Variants in FARP1 observed in about 807,000 individuals in gnomAD.
FARP1 encodes the protein FERM, ARHGEF and pleckstrin domain-containing protein 1.
Under a neutral mutation model 128.8 loss-of-function variants are expected in FARP1, and 52 were observed. That is an observed-to-expected ratio of 0.40 (90% CI 0.32 to 0.51). FARP1 has a LOEUF of 0.51. FARP1 is among the 20% of genes least tolerant of loss of function. The pLI, the probability that FARP1 is intolerant of heterozygous loss-of-function variation, is 0.45. For synonymous variants in FARP1, 580 were observed against 551.8 expected (o/e 1.05, Z -0.72); for missense variants, 1,333 against 1,367.9 (o/e 0.97, Z 0.40).
rs200285750 is a variant in FARP1 at position 98,431,230 on chromosome 13, G to A, written c.2093G>A (p.Arg698Gln). Residue 698 changes from arginine to glutamine, a missense_variant, in exon 18 of 27, where the codon CGG becomes CAG. Coordinates refer to ENST00000319562, the MANE Select transcript of FARP1 (RefSeq NM_005766.4). ...RLMHYKQVLE[R>Q]LCKHHPPSHA... ...ATGCACTACAAGCAGGTCCTGGAGC[G>A]GCTGTGCAAACACCACCCGCCGAGC... 1.3e-5 allele frequency: 20 copies of A among 1,588,712 alleles called. No homozygotes were observed. The highest frequency in any genetic ancestry group is 2.3e-5 in the East Asian group (1 of 43,178).
At chr13:98,364,958 G>A (rs2892734) in intron 3 of FARP1, among the ~76,000 whole-genome samples, 67,089 of 152,026 alleles carry the variant, frequency 0.44, 16,524 homozygotes, top group Non-Finnish European at 0.58. Flanking sequence ...GTGGTGTTCT[G>A]TAAATATTCA....
At chr13:98,338,103 C>T (rs1887817234) in intron 2 of FARP1, among the ~76,000 whole-genome samples, 1 of 152,090 alleles carries the variant, frequency 6.6e-6, no homozygotes, top group African/African-American at 2.4e-5. Context: ...ACTTTTTCTC[C>T]CGTCTGCATT....
chr13:98,422,494 T>C (rs946364987), intron 16 of FARP1, among the ~76,000 whole-genome samples: 54 of 152,168 alleles, frequency 3.5e-4, no homozygotes, highest in African/African-American at 1.3e-3. Context: ...AGGAAGGAGC[T>C]TGGGGAGCCT....
intron 26 of FARP1, 72 bp from the exon 27 acceptor site, chr13:98,448,164 A>C: frequency 7.7e-7 from 1 of 1,302,600 alleles, no homozygotes; most frequent in East Asian, 2.3e-5. Flanking sequence ...GTGTTTCTGT[A>C]AGCGATGCCC....
intron 5 of FARP1, among the ~76,000 whole-genome samples, chr13:98,372,521 T>C (rs567201161): frequency 3.9e-5 from 6 of 152,314 alleles, no homozygotes; most frequent in Middle Eastern, 3.4e-3. Context: ...TGTGTTCTTA[T>C]AGGTGAGGGG....
intron 19 of FARP1, among the ~76,000 whole-genome samples, chr13:98,436,861 A>G (rs750047504): frequency 2.0e-5 from 3 of 152,244 alleles, no homozygotes; most frequent in Non-Finnish European, 4.4e-5. Context: ...TTTGAAAGTT[A>G]TAAAATATTT....
At chr13:98,284,133 C>T (rs1405365925) in intron 2 of FARP1, among the ~76,000 whole-genome samples, 2 of 152,060 alleles carry the variant, frequency 1.3e-5, no homozygotes, top group African/African-American at 2.4e-5. Flanking sequence ...TGAATGAGGC[C>T]CAACACAAGT....
chr13:98,294,164 C>G (rs765154333), intron 2 of FARP1, among the ~76,000 whole-genome samples: 2 of 152,196 alleles, frequency 1.3e-5, no homozygotes, highest in Non-Finnish European at 2.9e-5. Flanking sequence ...TTCCCTTACT[C>G]TCATTTGACC....
At chr13:98,351,216 G>A (rs149713890) in intron 3 of FARP1, among the ~76,000 whole-genome samples, 4 of 152,152 alleles carry the variant, frequency 2.6e-5, no homozygotes, top group African/African-American at 9.6e-5. Context: ...AATGGCAGTG[G>A]CCTGCTGAGC....
chr13:98,213,372 A>C lies in FARP1; in HGVS notation c.130A>C (p.Ile44Leu). Residue 44 changes from isoleucine to leucine, a missense_variant, in exon 2 of 27, where the codon ATC (isoleucine) becomes CTC (leucine). By Grantham distance (5) the Ile-to-Leu change is conservative. Transcript: ENST00000319562. The part of the protein sequence containing the change: ...TPSGKLVSIK[I>L]QMLDDTQEAF... ...TTCAGGAAAACTCGTGTCCATCAAA[A>C]TCCAGATGCTGGATGACACCCAGGA... 6.2e-7 allele frequency: 1 copy of C among 1,614,090 alleles called. No individual in the cohort carries two copies. The highest frequency in any genetic ancestry group is 1.1e-5 in the South Asian group (1 of 91,076).
intron 5 of FARP1, among the ~76,000 whole-genome samples, chr13:98,369,458 G>T (rs1194955149): frequency 6.6e-6 from 1 of 150,532 alleles, no homozygotes; most frequent in South Asian, 2.1e-4. Flanking sequence ...CTGGTGTGCT[G>T]CACCCATTAA....
chr13:98,443,716 T>C (rs1892628123), intron 24 of FARP1, among the ~76,000 whole-genome samples: 1 of 152,194 alleles, frequency 6.6e-6, no homozygotes, highest in South Asian at 2.1e-4. Context: ...GCCAGAGGGC[T>C]GCCCAGCCTG....
At chr13:98,420,373 G>T (rs1566307084) in intron 16 of FARP1, among the ~76,000 whole-genome samples, 1 of 152,194 alleles carries the variant, frequency 6.6e-6, no homozygotes, top group African/African-American at 2.4e-5. Flanking sequence ...CAACCTTGCT[G>T]TTGGTCAGCC....
At chr13:98,234,599 A>G (rs1240784387) in intron 2 of FARP1, 2 of 152,222 alleles carry the variant, frequency 1.3e-5, no homozygotes, top group African/African-American at 2.4e-5. Context: ...TTATGGAAAT[A>G]TTGTGGACAA....
intron 13 of FARP1, chr13:98,398,794 T>C (rs1313755505): frequency 6.6e-6 from 1 of 152,202 alleles, no homozygotes; most frequent in Non-Finnish European, 1.5e-5. Flanking sequence ...TCTGTGAAAG[T>C]GGTTTGTTCA....
chr13:98,417,952 C>T (rs1891450489), intron 16 of FARP1, among the ~76,000 whole-genome samples: 1 of 152,246 alleles, frequency 6.6e-6, no homozygotes, highest in South Asian at 2.1e-4. Flanking sequence ...TTCATAGCAG[C>T]TTTATCCACA....
intron 1 of FARP1, among the ~76,000 whole-genome samples, chr13:98,205,792 T>C (rs1880232456): frequency 6.6e-6 from 1 of 152,188 alleles, no homozygotes; most frequent in Non-Finnish European, 1.5e-5. Flanking sequence ...CTGCTTCCCA[T>C]TTGGCCTGTA....
At position 98,385,675 on chromosome 13, in the gene FARP1, C is replaced by T; in HGVS notation, c.620C>T (p.Thr207Ile). 6.2e-7 allele frequency: 1 copy of T among 1,614,174 alleles called. No individual in the cohort carries two copies. Among genetic ancestry groups the T allele is most frequent in the Non-Finnish European group, 8.5e-7 (1 of 1,180,020 alleles). Residue 207 changes from threonine (T) to isoleucine (I), a missense_variant, in exon 8 of 27, where the codon ACA (threonine) becomes ATA (isoleucine). Transcript: ENST00000319562. ...VEFHHNHIGQ[T>I]PAESDFQLLE... is the part of the protein sequence containing the mutation. ...AATTTTTGTTTTGTCAGTGGACAAACACCAGCAGAATCAGATTTCCAGCTC... is the reference window on the plus strand; with the variant it reads ...AATTTTTGTTTTGTCAGTGGACAAATACCAGCAGAATCAGATTTCCAGCTC...
chr13:98,371,024 C>T (rs1889303689), intron 5 of FARP1, among the ~76,000 whole-genome samples: 2 of 152,078 alleles, frequency 1.3e-5, no homozygotes, highest in East Asian at 1.9e-4. Flanking sequence ...GTTTTCCTGT[C>T]GTTGGAAACT....
Sources: allele counts gnomAD v4.1 joint callset (sites outside exome capture counted in the v4.1 genomes callset), GRCh38; gene constraint gnomAD v4.1.1; transcripts MANE v1.5; gene names NCBI Gene and HGNC (gene_info 2026-07-23, HGNC 2026-07-21).